Variants in SLC38A8 observed in about 807,000 individuals in gnomAD.
SLC38A8 encodes solute carrier family 38 member 8, also known as amino acid transporter SLC38A8.
SLC38A8 carries 65 observed loss-of-function variants against 46.0 expected under a neutral mutation model. The observed-to-expected ratio is 1.41, with a 90% CI of 1.16 to 1.74. The LOEUF (loss-of-function observed/expected upper bound fraction) is 1.74. SLC38A8 is among the 40% of genes most tolerant of loss of function. SLC38A8 has a pLI of 0.00. For missense variants in SLC38A8, 998 were observed against 567.9 expected (o/e 1.76, Z -7.70); for synonymous variants, 447 against 243.7 (o/e 1.83, Z -7.77).
chr16:84,027,873 G>C (rs879698619), intron 6 of SLC38A8, among the ~76,000 whole-genome samples: 8 of 152,184 alleles, frequency 5.3e-5, no homozygotes, highest in Non-Finnish European at 1.2e-4. Context: ...GGCACAGAGA[G>C]AGGTTCTTAA....
chr16:84,015,010 A>G (rs919792031), intron 9 of SLC38A8, among the ~76,000 whole-genome samples: 1 of 152,004 alleles, frequency 6.6e-6, no homozygotes, highest in Admixed American at 6.6e-5. Context: ...GTTAAGTTTC[A>G]CCAATGGGCA....
chr16:84,021,422 G>A (rs950439011), intron 7 of SLC38A8, among the ~76,000 whole-genome samples: 9 of 152,276 alleles, frequency 5.9e-5, no homozygotes, highest in Admixed American at 2.6e-4. Flanking sequence ...ACACAGTTCA[G>A]CCAAATTATT....
chr16:84,026,148 G>C (rs535362945), intron 6 of SLC38A8, among the ~76,000 whole-genome samples: 1 of 152,088 alleles, frequency 6.6e-6, no homozygotes, highest in Non-Finnish European at 1.5e-5. Context: ...GGAAAAGACA[G>C]TTAGTAGTGC....
At chr16:84,038,703 G>A (rs1277931242) in intron 2 of SLC38A8, among the ~76,000 whole-genome samples, 1 of 152,184 alleles carries the variant, frequency 6.6e-6, no homozygotes, top group Non-Finnish European at 1.5e-5. Context: ...ACCCCGGACG[G>A]TGCCACGAGT....
Position 84,016,265 on chromosome 16 carries a change from C to A in SLC38A8, c.1162+254G>T, listed in dbSNP as rs201554305. On this transcript the variant is annotated intron_variant, in intron 9 of 10. Transcript: ENST00000299709. ...TGCCCTTCACAGATGGTAATTATTACAGTTCAAGGTGAGATTTGGGTGTGA... is the reference window on the plus strand; with the variant it reads ...TGCCCTTCACAGATGGTAATTATTAAAGTTCAAGGTGAGATTTGGGTGTGA... Among the ~76,000 whole-genome samples, 3 of 152,346 alleles carry A rather than the reference C, an allele frequency of 2.0e-5. No individual in the cohort carries two copies. In the East Asian group the frequency reaches 5.8e-4, roughly 29 times the overall value.
chr16:84,017,169 A>T lies in SLC38A8; in HGVS notation c.924T>A (p.Thr308=). 6.2e-7 allele frequency: 1 copy of T among 1,614,146 alleles called. No individual in the cohort carries two copies. The highest frequency in any genetic ancestry group is 8.5e-7 in the Non-Finnish European group (1 of 1,180,030). The change falls in exon 8 of 11, where the codon ACT becomes ACA. Residue 308 remains threonine, a synonymous_variant. Coordinates refer to ENST00000299709, the MANE Select transcript of SLC38A8 (RefSeq NM_001080442.3). ...ARVLFAVSIV[T]VYPIVLFLGR... ...CCAGGAAGAGCACGATGGGGTAGACAGTTACGATGGAGACAGCAAAAAGGA... is the reference window on the plus strand; with the variant it reads ...CCAGGAAGAGCACGATGGGGTAGACTGTTACGATGGAGACAGCAAAAAGGA...
Position 84,025,198 on chromosome 16 carries a change from CA to C in SLC38A8, c.691-2310del, listed in dbSNP as rs1267613675. Among the ~76,000 whole-genome samples, 3 of 152,290 alleles carry C rather than the reference CA, an allele frequency of 2.0e-5. No homozygotes were observed. In the East Asian group the frequency reaches 5.8e-4, roughly 29 times the overall value. On this transcript the variant is annotated intron_variant, in intron 6 of 10. Coordinates refer to ENST00000299709, the MANE Select transcript of SLC38A8 (RefSeq NM_001080442.3). ...ACACTGGTGGGTTCAGGGTTCTTCC[CA>C]GGCTCCTGGGGCTGGTTCCCACCAT...
At chr16:84,022,687 G>T in intron 7 of SLC38A8, 88 bp downstream of exon 7, 1 of 1,023,312 alleles carries the variant, frequency 9.8e-7, no homozygotes, top group Non-Finnish European at 1.5e-6. Flanking sequence ...CCCAGCACGT[G>T]GTAAACTCTC....
intron 9 of SLC38A8, among the ~76,000 whole-genome samples, 198 bp from the exon 10 acceptor site, chr16:84,013,250 G>A (rs568717545): frequency 1.3e-5 from 2 of 152,202 alleles, no homozygotes; most frequent in African/African-American, 4.8e-5. Context: ...ATGCCCTAAT[G>A]ACTTAGGCAG....
intron 7 of SLC38A8, among the ~76,000 whole-genome samples, chr16:84,017,955 G>T (rs1320429762): frequency 6.6e-6 from 1 of 152,180 alleles, no homozygotes; most frequent in African/African-American, 2.4e-5. Flanking sequence ...GCTACAGACT[G>T]ATGGGACCTC....
chr16:84,031,854 C>T lies in SLC38A8; in HGVS notation c.632+13G>A, dbSNP rs1222671076. ...CCCGCCGAGGCTGCCGGAAGCTGTT[C>T]CCTCAGACTTACCTCAGTGAAGGAT... On this transcript the variant is annotated intron_variant, in intron 5 of 10. Coordinates refer to ENST00000299709, the MANE Select transcript of SLC38A8 (RefSeq NM_001080442.3). The T allele has an allele frequency of 6.2e-7, 1 of 1,612,400 alleles. No individual in the cohort carries two copies. Among genetic ancestry groups the T allele is most frequent in the Admixed American group, 1.7e-5 (1 of 60,004 alleles).
Position 84,016,052 on chromosome 16 carries a change from T to A in SLC38A8, c.1162+467A>T, listed in dbSNP as rs1311670031. On this transcript the variant is annotated intron_variant, in intron 9 of 10. Transcript: ENST00000299709. ...CCACATGGCTGAGGAGGCCTCACAA[T>A]CATGGCAAAAGGCAAATAAGGAGCA... 8.1e-5 allele frequency among the ~76,000 whole-genome samples: 12 copies of A among 148,248 alleles called. No homozygotes were observed. The Admixed American group carries it at 8.4e-4, about 10-fold the overall frequency.
chr16:84,016,234 T>A (rs1426654794), intron 9 of SLC38A8, among the ~76,000 whole-genome samples: 12 of 152,336 alleles, frequency 7.9e-5, no homozygotes, highest in Non-Finnish European at 5.9e-5. Context: ...TATCTCCACC[T>A]TGCCCTGCCC....
At chr16:84,021,726 T>G (rs1028000625) in intron 7 of SLC38A8, among the ~76,000 whole-genome samples, 4 of 152,362 alleles carry the variant, frequency 2.6e-5, no homozygotes, top group Non-Finnish European at 1.5e-5. Flanking sequence ...CAATTTTCTG[T>G]CTTAGTCCAT....
At chr16:84,023,306 A>C (rs1265725201) in intron 6 of SLC38A8, among the ~76,000 whole-genome samples, 1 of 152,176 alleles carries the variant, frequency 6.6e-6, no homozygotes, top group African/African-American at 2.4e-5. Flanking sequence ...AAAAGGGTAC[A>C]GGAGCAGGAC....
chr16:84,041,028 C>T (rs1052522431), intron 2 of SLC38A8: 2 of 152,270 alleles, frequency 1.3e-5, no homozygotes, highest in Admixed American at 1.3e-4. Context: ...CCACCAGCTG[C>T]CGTAAGACGT....
At chr16:84,032,163 T>C (rs2085247992) in intron 4 of SLC38A8, among the ~76,000 whole-genome samples, 195 bp from the exon 5 acceptor site, 1 of 125,870 alleles carries the variant, frequency 7.9e-6, no homozygotes, top group African/African-American at 3.1e-5. Context: ...AGGGGTCAGA[T>C]GTAGAGTTTT....
chr16:84,037,318 CCTG>C (rs2085311921), intron 2 of SLC38A8, among the ~76,000 whole-genome samples: 1 of 152,240 alleles, frequency 6.6e-6, no homozygotes, highest in African/African-American at 2.4e-5. Context: ...CCACTGCTCA[CCTG>C]CTGTGTGGCA....
At chr16:84,018,933 G>A (rs527869328) in intron 7 of SLC38A8, among the ~76,000 whole-genome samples, 1 of 152,250 alleles carries the variant, frequency 6.6e-6, no homozygotes, top group South Asian at 2.1e-4. Context: ...CAGGTCCATT[G>A]CAGCCAGAAG....
Sources: gnomAD v4.1 joint callset for allele counts (sites outside exome capture counted in the v4.1 genomes callset) on GRCh38, gnomAD v4.1.1 for gene constraint, MANE v1.5 for transcripts, NCBI Gene and HGNC (gene_info 2026-07-23, HGNC 2026-07-21) for gene names.